The following PCDHA4 variants were observed in gnomAD, a reference collection of about 807,000 sequenced individuals.
PCDHA4 encodes the protein protocadherin alpha-4.
PCDHA4 carries 49 observed loss-of-function variants against 61.4 expected under a neutral mutation model. That is an observed-to-expected ratio of 0.80 (90% CI 0.63 to 1.01). The LOEUF (loss-of-function observed/expected upper bound fraction) is 1.01. PCDHA4 is among the 50% of genes least tolerant of loss of function. PCDHA4 has a pLI of 0.00. For missense variants in PCDHA4, 1,254 were observed against 1,235.8 expected (o/e 1.01, Z -0.22); for synonymous variants, 590 against 550.3 (o/e 1.07, Z -1.01).
At chr5:140,982,097 C>A (rs1313290841) in intron 2 of PCDHA4, among the ~76,000 whole-genome samples, 1 of 152,194 alleles carries the variant, frequency 6.6e-6, no homozygotes, top group Non-Finnish European at 1.5e-5. Flanking sequence ...AACAAGAGAA[C>A]CTGCAAGAGA....
At chr5:141,004,839 C>G (rs1168305271) in intron 3 of PCDHA4, among the ~76,000 whole-genome samples, 1 of 152,168 alleles carries the variant, frequency 6.6e-6, no homozygotes, top group Non-Finnish European at 1.5e-5. Context: ...AGATCAAAGT[C>G]ATTAGTCTCA....
intron 1 of PCDHA4, chr5:140,870,247 G>C (rs2051798085): frequency 5.6e-6 from 9 of 1,614,024 alleles, no homozygotes; most frequent in Admixed American, 1.7e-5. Flanking sequence ...AGGTGTCAAC[G>C]GACAGGTGAC....
intron 1 of PCDHA4, chr5:140,848,888 A>T: frequency 6.4e-7 from 1 of 1,564,652 alleles, no homozygotes; most frequent in Non-Finnish European, 8.7e-7. Flanking sequence ...ACAACCCTCC[A>T]GTGTTCCCAG....
chr5:140,960,553 C>T (rs2095555809), intron 1 of PCDHA4, among the ~76,000 whole-genome samples: 1 of 152,078 alleles, frequency 6.6e-6, no homozygotes, highest in Non-Finnish European at 1.5e-5. Context: ...TTCATATAGA[C>T]TGAGCTTAGG....
intron 1 of PCDHA4, among the ~76,000 whole-genome samples, chr5:140,954,197 G>T (rs2153701837): frequency 6.6e-6 from 1 of 152,270 alleles, no homozygotes; most frequent in Non-Finnish European, 1.5e-5. Context: ...ATGGGCATTT[G>T]GGTTGATCCC....
intron 1 of PCDHA4, among the ~76,000 whole-genome samples, chr5:140,839,395 GATT>G (rs2150297688): frequency 0.016 from 1,606 of 98,892 alleles, 28 homozygotes; most frequent in Non-Finnish European, 0.019. Context: ...TGATGATGAT[GATT>G]ATTATTTTTG....
intron 1 of PCDHA4, chr5:140,871,407 C>G: frequency 6.2e-7 from 1 of 1,614,070 alleles, no homozygotes; most frequent in Non-Finnish European, 8.5e-7. Context: ...AGACGGACCT[C>G]ATGGCCTTCA....
intron 1 of PCDHA4, chr5:140,849,834 G>A: frequency 6.3e-7 from 1 of 1,598,606 alleles, no homozygotes; most frequent in Admixed American, 1.7e-5. Context: ...GGAGGTGGCC[G>A]ACGTGAACGA....
intron 1 of PCDHA4, among the ~76,000 whole-genome samples, chr5:140,921,577 A>G (rs1248608945): frequency 6.6e-6 from 1 of 152,242 alleles, no homozygotes; most frequent in African/African-American, 2.4e-5. Context: ...AGTAGAGCTC[A>G]TACTATATTA....
intron 1 of PCDHA4, among the ~76,000 whole-genome samples, chr5:140,946,629 T>TATATATATATATATATATAC (rs1367833800): frequency 1.4e-4 from 17 of 123,272 alleles, no homozygotes; most frequent in African/African-American, 5.1e-4. Context: ...TATATATATA[T>TATATATATATATATATATAC]ATACAATGGA....
At chr5:140,907,913 C>T (rs2073688326) in intron 1 of PCDHA4, among the ~76,000 whole-genome samples, 1 of 152,234 alleles carries the variant, frequency 6.6e-6, no homozygotes, top group Non-Finnish European at 1.5e-5. Context: ...TTTTTGACCA[C>T]TCAGAGAGGT....
At chr5:140,824,330 T>C in intron 1 of PCDHA4, 1 of 642,460 alleles carries the variant, frequency 1.6e-6, no homozygotes, top group Non-Finnish European at 2.7e-6. Context: ...TTCTGTGATA[T>C]TAAGTGTTTT....
chr5:140,970,792 C>A (rs1554232742), intron 1 of PCDHA4, among the ~76,000 whole-genome samples: 2 of 152,036 alleles, frequency 1.3e-5, no homozygotes, highest in African/African-American at 4.8e-5. Flanking sequence ...TATGTAATAT[C>A]CATATTGTTA....
intron 1 of PCDHA4, among the ~76,000 whole-genome samples, chr5:140,916,814 G>A (rs1201189287): frequency 3.3e-5 from 5 of 152,112 alleles, no homozygotes; most frequent in African/African-American, 1.2e-4. Context: ...TAGGTCATGT[G>A]CCACCCCTAT....
rs2150151529 is a variant in PCDHA4 at position 140,828,158 on chromosome 5, G to A, written c.2385+18586G>A. ...GCTCCTCCCGCTTCTGCTCCTCGCAGCCTGGAAGGTGGGGAGCGGCCAGCT... is the reference window on the plus strand; with the variant it reads ...GCTCCTCCCGCTTCTGCTCCTCGCAACCTGGAAGGTGGGGAGCGGCCAGCT... On this transcript the variant is annotated intron_variant, in intron 1 of 3. Transcript: ENST00000530339. 4 of 1,614,202 alleles carry A rather than the reference G, an allele frequency of 2.5e-6. No individual in the cohort carries two copies. In the East Asian group the frequency reaches 8.9e-5, roughly 36 times the overall value.
Position 140,949,948 on chromosome 5 carries a change from G to T in PCDHA4, c.2386-29001G>T, listed in dbSNP as rs2094436034. Among the ~76,000 whole-genome samples the T allele has an allele frequency of 2.0e-5, 3 of 151,288 alleles. No individual in the cohort carries two copies. In the South Asian group the frequency reaches 6.2e-4, roughly 31 times the overall value. On this transcript the variant is annotated intron_variant, in intron 1 of 3. Coordinates refer to ENST00000530339, the MANE Select transcript of PCDHA4 (RefSeq NM_018907.4). ...GATTTTTTTTAATTTGCATTTTTTA[G>T]TGGTTGCTGTAAGGATTACAGCATA...
At chr5:140,975,978 A>T (rs964939685) in intron 1 of PCDHA4, among the ~76,000 whole-genome samples, 1 of 152,142 alleles carries the variant, frequency 6.6e-6, no homozygotes, top group African/African-American at 2.4e-5. Context: ...AAGTAAGCAT[A>T]GTCCTGGGAG....
In PCDHA4 at chr5:140,846,436, G is replaced by T. The variant is rs191314082; in HGVS notation, c.2385+36864G>T. ...ATCTCCCAGGCTGGAATGCAGTGGCGCAATCTCGGCTCACTGCAACCTCTG... is the reference window on the plus strand; with the variant it reads ...ATCTCCCAGGCTGGAATGCAGTGGCTCAATCTCGGCTCACTGCAACCTCTG... On this transcript the variant is annotated intron_variant, in intron 1 of 3. Transcript: ENST00000530339. 7.4e-4 allele frequency among the ~76,000 whole-genome samples: 97 copies of T among 131,384 alleles called. 7 individuals carry two copies. The highest frequency in any genetic ancestry group is 2.7e-3 in the Admixed American group (32 of 11,706). The allele number at this position is 131,384 out of a possible 152,430, so 86.2% of individuals were successfully genotyped here.
At chr5:140,949,682 A>T (rs1229666281) in intron 1 of PCDHA4, among the ~76,000 whole-genome samples, 3 of 151,768 alleles carry the variant, frequency 2.0e-5, no homozygotes, top group Non-Finnish European at 4.4e-5. Context: ...CCCTTGTTGA[A>T]GCGTATTGTT....
Sources: allele counts gnomAD v4.1 joint callset (sites outside exome capture counted in the v4.1 genomes callset), GRCh38; gene constraint gnomAD v4.1.1; transcripts MANE v1.5; gene names NCBI Gene and HGNC (gene_info 2026-07-23, HGNC 2026-07-21).